Variants in ATAD2B observed in about 807,000 individuals in gnomAD.
ATAD2B encodes the protein ATPase family AAA domain containing 2B, also known as ATPase family AAA domain-containing protein 2B.
ATAD2B carries 40 observed loss-of-function variants against 167.6 expected under a neutral mutation model. The observed-to-expected ratio is 0.24, with a 90% confidence interval of 0.19 to 0.31. The LOEUF (loss-of-function observed/expected upper bound fraction) is 0.31. Among genes scored for constraint, ATAD2B ranks in the 10% least tolerant of loss-of-function variants. ATAD2B has a pLI of 1.00. For missense variants in ATAD2B, 1,242 were observed against 1,757.2 expected, an observed-to-expected ratio of 0.71 and a Z score of 5.24; for synonymous variants, 579 against 596.5, an observed-to-expected ratio of 0.97 and a Z score of 0.43.
At chr2:23,680,041 C>T in the ATAD2B span, among the ~76,000 whole-genome samples, 7 of 152,228 alleles carry the variant, frequency 4.6e-5, no homozygotes, top group African/African-American at 1.2e-4. This position sits in a 1 kb window ranked among gnomAD's most constrained non-coding sequence, Gnocchi z 4.1. Flanking sequence ...CCTTCAGCCC[C>T]GAAGGATTTG....
chr2:23,917,615 T>TC (rs1703232022), intron 1 of ATAD2B, among the ~76,000 whole-genome samples: 7 of 151,792 alleles, frequency 4.6e-5, no homozygotes, highest in Admixed American at 4.6e-4. Context: ...TTTTTTTTTT[T>TC]CCCAAAGCCA....
intron 19 of ATAD2B, among the ~76,000 whole-genome samples, chr2:23,790,405 C>T (rs1681497053): frequency 6.6e-6 from 1 of 152,132 alleles, no homozygotes; most frequent in Admixed American, 6.5e-5. Flanking sequence ...CCTAGACGTA[C>T]CACGATTTCG....
chr2:23,831,061 G>C lies in ATAD2B; in HGVS notation c.1729-2122C>G, dbSNP rs554061205. On this transcript the variant is annotated intron_variant, in intron 14 of 27. Transcript: ENST00000238789. ...TACTAAAAACAAGACATGGAATGAA[G>C]AAAAAAATACTTAAATGTAGAAATC... 2.6e-5 allele frequency among the ~76,000 whole-genome samples: 4 copies of C among 152,068 alleles called. No homozygotes were observed. In the East Asian group the frequency reaches 7.7e-4, roughly 29 times the overall value.
chr2:23,842,728 A>G (rs1373148988), intron 13 of ATAD2B, among the ~76,000 whole-genome samples: 1 of 152,188 alleles, frequency 6.6e-6, no homozygotes, highest in Non-Finnish European at 1.5e-5. Flanking sequence ...CCCCAAACTC[A>G]GTCTACCCAG....
intron 12 of ATAD2B, among the ~76,000 whole-genome samples, chr2:23,862,980 C>A (rs1263492669): frequency 6.6e-6 from 1 of 152,258 alleles, no homozygotes; most frequent in East Asian, 1.9e-4. Flanking sequence ...GATTACTAAT[C>A]CTGAATATAA....
At chr2:23,770,667 C>T (rs1209846189) in intron 22 of ATAD2B, among the ~76,000 whole-genome samples, 1 of 152,244 alleles carries the variant, frequency 6.6e-6, no homozygotes, top group African/African-American at 2.4e-5. Flanking sequence ...ATGTGTGCAT[C>T]TATTTCAGGA....
intron 18 of ATAD2B, among the ~76,000 whole-genome samples, chr2:23,798,874 A>G (rs1301678088): frequency 6.6e-6 from 1 of 152,196 alleles, no homozygotes; most frequent in Non-Finnish European, 1.5e-5. Context: ...TTAGTTCAAT[A>G]TTTTATAAAA....
At chr2:23,791,198 G>T (rs1405716476) in intron 19 of ATAD2B, among the ~76,000 whole-genome samples, 1 of 152,144 alleles carries the variant, frequency 6.6e-6, no homozygotes, top group Non-Finnish European at 1.5e-5. Context: ...GGAACATTTG[G>T]ATTGTTTCCA....
At chr2:23,682,554 G>A in the ATAD2B span, among the ~76,000 whole-genome samples, 1 of 152,190 alleles carries the variant, frequency 6.6e-6, no homozygotes, top group African/African-American at 2.4e-5. This position sits in a 1 kb window ranked among gnomAD's most constrained non-coding sequence, Gnocchi z 4.1. Flanking sequence ...GGTGCCCCAG[G>A]ATGAAGCTGG....
At chr2:23,868,257 T>C (rs1403397059) in intron 9 of ATAD2B, among the ~76,000 whole-genome samples, 1 of 152,188 alleles carries the variant, frequency 6.6e-6, no homozygotes, top group African/African-American at 2.4e-5. Flanking sequence ...AAAATAAAAA[T>C]AAACCTATAT....
chr2:23,902,899 T>TTAAA (rs775973781), intron 1 of ATAD2B, among the ~76,000 whole-genome samples: 192 of 152,146 alleles, frequency 1.3e-3, no homozygotes, highest in Non-Finnish European at 2.0e-3. Flanking sequence ...ACCTGTCTCT[T>TTAAA]TAAATAAATA....
At chr2:23,702,291 T>TA in the ATAD2B span, among the ~76,000 whole-genome samples, 1 of 152,202 alleles carries the variant, frequency 6.6e-6, no homozygotes, top group Non-Finnish European at 1.5e-5. Context: ...TCAGCCAGCT[T>TA]ACCTTAAACA....
the ATAD2B span, among the ~76,000 whole-genome samples, chr2:23,727,786 T>A: frequency 6.6e-6 from 1 of 152,206 alleles, no homozygotes; most frequent in Non-Finnish European, 1.5e-5. Flanking sequence ...CTTAAATGCA[T>A]ATTGTTAAGT....
At chr2:23,725,024 C>A in the ATAD2B span, among the ~76,000 whole-genome samples, 18 of 109,676 alleles carry the variant, frequency 1.6e-4, 1 homozygote, top group Admixed American at 2.6e-3. Context: ...GCCTGGACGA[C>A]AGAGCAAGAC....
chr2:23,903,253 T>TAAAC (rs1192176487), intron 1 of ATAD2B, among the ~76,000 whole-genome samples: 1 of 151,288 alleles, frequency 6.6e-6, no homozygotes, highest in Non-Finnish European at 1.5e-5. Flanking sequence ...AATAAATAAA[T>TAAAC]AAATAAATAA....
At chr2:23,753,960 A>C (rs1675658356) in intron 27 of ATAD2B, among the ~76,000 whole-genome samples, 2 of 152,156 alleles carry the variant, frequency 1.3e-5, no homozygotes, top group South Asian at 4.1e-4. Flanking sequence ...TTGACAAAAA[A>C]AAGGAACCCC....
chr2:23,826,427 G>A (rs1057373913), intron 15 of ATAD2B, among the ~76,000 whole-genome samples: 1 of 151,966 alleles, frequency 6.6e-6, no homozygotes. Flanking sequence ...AGCCTTTTAG[G>A]CGTTAAAAGT....
intron 18 of ATAD2B, 137 bp from the exon 19 acceptor site, chr2:23,798,460 T>C (rs1279227558): frequency 4.8e-6 from 3 of 623,332 alleles, no homozygotes; most frequent in Non-Finnish European, 7.9e-6. Context: ...GTTCAAGATA[T>C]GATGCACAAG....
At chr2:23,909,831 A>C (rs11687065) in intron 1 of ATAD2B, among the ~76,000 whole-genome samples, 111,810 of 151,916 alleles carry the variant, frequency 0.74, 41,538 homozygotes, top group East Asian at 0.85. Flanking sequence ...GAGGTTGAGT[A>C]TTGCATAAGT....
Sources: gnomAD v4.1 joint callset for allele counts (sites outside exome capture counted in the v4.1 genomes callset) on GRCh38, gnomAD v4.1.1 for gene constraint, Gnocchi (gnomAD v3.1) non-coding constraint, MANE v1.5 for transcripts, NCBI Gene and HGNC (gene_info 2026-07-23, HGNC 2026-07-21) for gene names.